The following CSRNP3 variants were observed in gnomAD, a reference collection of about 807,000 sequenced individuals.
CSRNP3 encodes cysteine/serine-rich nuclear protein 3.
Under a neutral mutation model 48.0 loss-of-function variants are expected in CSRNP3, and 12 were observed. That is an observed-to-expected ratio of 0.25 (90% CI 0.16 to 0.41). The LOEUF (loss-of-function observed/expected upper bound fraction) is 0.41, where lower values mean the gene tolerates loss of function less well. CSRNP3 is among the 10% of genes least tolerant of loss of function. The pLI is 1.00. For missense variants in CSRNP3, 580 were observed against 724.4 expected, an observed-to-expected ratio of 0.80 and a Z score of 2.29; for synonymous variants, 263 against 269.7, an observed-to-expected ratio of 0.98 and a Z score of 0.24.
intron 3 of CSRNP3, among the ~76,000 whole-genome samples, chr2:165,538,182 A>G (rs760052499): frequency 4.6e-5 from 7 of 151,928 alleles, no homozygotes; most frequent in African/African-American, 7.2e-5. Context: ...ATATAAAAAT[A>G]CCCCTGAGAG....
chr2:165,681,096 A>T lies in CSRNP3; in HGVS notation c.*1343A>T, dbSNP rs1036360924. Reference sequence around the variant, plus strand: ...CATTCTCTTATTAAAGAGAACAGATAGAAATAAAACATGCACTCCCCACCT... The same window carrying T: ...CATTCTCTTATTAAAGAGAACAGATTGAAATAAAACATGCACTCCCCACCT... On this transcript the variant is annotated 3_prime_UTR_variant, in exon 7 of 7. Transcript: ENST00000651982. The T allele has an allele frequency of 6.6e-6, 1 of 152,190 alleles. No homozygotes were observed. The highest frequency in any genetic ancestry group is 2.4e-5 in the African/African-American group (1 of 41,448). The allele number at this position is 152,190 out of a possible 1,614,324, so 9.4% of individuals were successfully genotyped here.
At position 165,684,200 on chromosome 2, in the gene CSRNP3, A is replaced by G. The variant is rs1687591874; in HGVS notation, c.*4447A>G. 6.6e-6 allele frequency: 1 copy of G among 152,128 alleles called. No individual in the cohort carries two copies. The highest frequency in any genetic ancestry group is 2.1e-4 in the South Asian group (1 of 4,836). 9.4% of individuals were successfully genotyped at this position (152,128 alleles called of 1,614,324 possible). ...TCCTGTTGCAAATTCCAAAGACATCACTTTGCAGCAGGTGGAAAACAGAGA... is the reference window on the plus strand; with the variant it reads ...TCCTGTTGCAAATTCCAAAGACATCGCTTTGCAGCAGGTGGAAAACAGAGA... On this transcript the variant is annotated 3_prime_UTR_variant, in exon 7 of 7. Transcript: ENST00000651982.
chr2:165,494,061 A>T (rs1257191072), intron 1 of CSRNP3, among the ~76,000 whole-genome samples: 1 of 152,132 alleles, frequency 6.6e-6, no homozygotes, highest in Non-Finnish European at 1.5e-5. Flanking sequence ...TTCACTGACC[A>T]TGTTAATACA....
chr2:165,512,299 A>G (rs959166476), intron 2 of CSRNP3, among the ~76,000 whole-genome samples: 2 of 152,194 alleles, frequency 1.3e-5, no homozygotes, highest in African/African-American at 2.4e-5. Flanking sequence ...AATTTTCTGG[A>G]AAATCATCTA....
intron 3 of CSRNP3, among the ~76,000 whole-genome samples, chr2:165,518,861 T>C (rs1394057972): frequency 6.6e-6 from 1 of 152,054 alleles, no homozygotes; most frequent in Non-Finnish European, 1.5e-5. Context: ...TTTGGTTCTT[T>C]CTAAGTGAAT....
At chr2:165,643,986 G>A (rs1326147390) in intron 4 of CSRNP3, among the ~76,000 whole-genome samples, 1 of 152,148 alleles carries the variant, frequency 6.6e-6, no homozygotes, top group Non-Finnish European at 1.5e-5. Flanking sequence ...CTAACGGCAG[G>A]AAATTCAGTC....
chr2:165,661,500 A>T (rs1041583081), intron 5 of CSRNP3, among the ~76,000 whole-genome samples: 2 of 152,180 alleles, frequency 1.3e-5, no homozygotes, highest in African/African-American at 2.4e-5. Context: ...TCATGCAAGG[A>T]TATTGCTAGC....
rs555277786 is a variant in CSRNP3 at position 165,644,813 on chromosome 2, T to G, written c.149-12948T>G. ...TTCTATCCATAGTTTTGAAAATGAT[T>G]AGATATTGACTTAGTCCATTTTGGC... On this transcript the variant is annotated intron_variant, in intron 4 of 6. Transcript: ENST00000651982. 8.5e-5 allele frequency among the ~76,000 whole-genome samples: 13 copies of G among 152,314 alleles called. 1 individual carries two copies. The South Asian group carries it at 2.7e-3, about 32-fold the overall frequency.
rs201521679 is a variant in CSRNP3, at chr2:165,679,510, C to G, written c.1515C>G (p.Ser505=). 3.1e-6 allele frequency: 5 copies of G among 1,613,754 alleles called. No homozygotes were observed. The South Asian group carries it at 3.3e-5, about 11-fold the overall frequency. ...ACCCCTCTGTAATCGTTTGCTGCTC[C>G]TCTTCCGAAAATGATAGCGGTGTGC... The part of the protein sequence containing the change: ...AANPSVIVCC[S]SSENDSGVPC... Residue 505 remains serine, a synonymous_variant, in exon 7 of 7, where the codon TCC becomes TCG. Coordinates refer to ENST00000651982, the MANE Select transcript of CSRNP3 (RefSeq NM_001172173.2).
At chr2:165,578,712 A>AT (rs1200583012) in intron 3 of CSRNP3, among the ~76,000 whole-genome samples, 2 of 150,810 alleles carry the variant, frequency 1.3e-5, no homozygotes, top group Non-Finnish European at 1.5e-5. Flanking sequence ...TGAACAAAGG[A>AT]AAAAAAAACA....
chr2:165,575,814 A>AC (rs1685441207), intron 3 of CSRNP3, among the ~76,000 whole-genome samples: 2 of 152,000 alleles, frequency 1.3e-5, no homozygotes, highest in African/African-American at 4.8e-5. Flanking sequence ...CTATGGGGAC[A>AC]TTATGACATT....
chr2:165,602,205 G>A (rs1355646500), intron 4 of CSRNP3, among the ~76,000 whole-genome samples: 2 of 152,188 alleles, frequency 1.3e-5, no homozygotes, highest in African/African-American at 2.4e-5. Flanking sequence ...ACATCATGAC[G>A]CTCAAAAGAT....
At chr2:165,483,458 A>C (rs1684074762) in intron 1 of CSRNP3, among the ~76,000 whole-genome samples, 1 of 152,300 alleles carries the variant, frequency 6.6e-6, no homozygotes. Context: ...TTAATAACTT[A>C]CAATTTTCTA....
intron 3 of CSRNP3, among the ~76,000 whole-genome samples, chr2:165,583,266 A>C (rs1327354967): frequency 6.6e-6 from 1 of 152,194 alleles, no homozygotes; most frequent in African/African-American, 2.4e-5. Flanking sequence ...TATTCTCAAA[A>C]TGTATGAAGT....
intron 4 of CSRNP3, among the ~76,000 whole-genome samples, chr2:165,602,130 G>A (rs752367749): frequency 1.2e-4 from 18 of 152,100 alleles, no homozygotes; most frequent in Admixed American, 2.6e-4. Context: ...AAACAATGGA[G>A]GAGTGTTCAG....
At chr2:165,502,957 G>A (rs1477728691) in intron 2 of CSRNP3, among the ~76,000 whole-genome samples, 1 of 151,980 alleles carries the variant, frequency 6.6e-6, no homozygotes, top group Non-Finnish European at 1.5e-5. Flanking sequence ...GTGTATGTGT[G>A]TGAATTGCCT....
At chr2:165,577,132 G>A in intron 3 of CSRNP3, among the ~76,000 whole-genome samples, 1 of 150,422 alleles carries the variant, frequency 6.6e-6, no homozygotes, top group East Asian at 1.9e-4. Context: ...TGAAATTCTG[G>A]AGCCTATGAA....
chr2:165,470,762 G>T (rs1683883667), intron 1 of CSRNP3, among the ~76,000 whole-genome samples: 1 of 151,872 alleles, frequency 6.6e-6, no homozygotes, highest in African/African-American at 2.4e-5. Context: ...GTCATTTAAC[G>T]GTGGTAGAAC....
intron 1 of CSRNP3, among the ~76,000 whole-genome samples, chr2:165,492,035 A>G (rs759120925): frequency 6.6e-6 from 1 of 151,420 alleles, no homozygotes; most frequent in Non-Finnish European, 1.5e-5. Context: ...AAATACCTTA[A>G]CCTTCCCTCC....
Sources: gnomAD v4.1 joint callset for allele counts (sites outside exome capture counted in the v4.1 genomes callset) on GRCh38, gnomAD v4.1.1 for gene constraint, MANE v1.5 for transcripts, NCBI Gene and HGNC (gene_info 2026-07-23, HGNC 2026-07-21) for gene names.